FMNL2: variants seen among roughly 807,000 people sequenced by gnomAD.
The protein encoded by FMNL2 is formin-like protein 2.
Under a neutral mutation model 130.2 loss-of-function variants are expected in FMNL2, and 51 were observed. The ratio of observed to expected loss-of-function variants is 0.39; its 90% confidence interval spans 0.31 to 0.49. The LOEUF (loss-of-function observed/expected upper bound fraction) is 0.49. Among genes scored for constraint, FMNL2 ranks in the 20% least tolerant of loss-of-function variants. The pLI, the probability that FMNL2 is intolerant of heterozygous loss-of-function variation, is 0.85. For missense variants in FMNL2, 977 were observed against 1,316.2 expected (o/e 0.74, Z 3.99); for synonymous variants, 465 against 467.1 (o/e 1.00, Z 0.06).
At chr2:152,345,375 G>C (rs1032378753) in intron 1 of FMNL2, among the ~76,000 whole-genome samples, 13 of 152,024 alleles carry the variant, frequency 8.6e-5, no homozygotes, top group African/African-American at 2.2e-4. Context: ...TTTTTTATTG[G>C]CATAGAAGGA....
chr2:152,338,643 A>G (rs1681612857), intron 1 of FMNL2, among the ~76,000 whole-genome samples: 1 of 152,220 alleles, frequency 6.6e-6, no homozygotes, highest in Admixed American at 6.5e-5. Context: ...GTTAGTGACT[A>G]GCAAAAATTG....
At chr2:152,619,401 T>C (rs1699117196) in intron 14 of FMNL2, 108 bp from the exon 15 acceptor site, 1 of 1,497,530 alleles carries the variant, frequency 6.7e-7, no homozygotes, top group East Asian at 2.5e-5. Context: ...AACAGTCCTT[T>C]GTCCTTTTAA....
chr2:152,573,038 T>C (rs1373305302), intron 6 of FMNL2, among the ~76,000 whole-genome samples: 1 of 152,204 alleles, frequency 6.6e-6, no homozygotes, highest in Non-Finnish European at 1.5e-5. Flanking sequence ...AGGGTGCATT[T>C]ATTTAGTGAG....
intron 1 of FMNL2, among the ~76,000 whole-genome samples, chr2:152,429,320 C>T (rs1687370077): frequency 6.6e-6 from 1 of 152,080 alleles, no homozygotes; most frequent in Non-Finnish European, 1.5e-5. Context: ...GGCCGGTGCC[C>T]CTGCCTTACA....
At chr2:152,595,994 A>G (rs11899286) in intron 9 of FMNL2, among the ~76,000 whole-genome samples, 2,893 of 138,264 alleles carry the variant, frequency 0.021, 107 homozygotes, top group African/African-American at 0.071. Flanking sequence ...ACCAAGTCTC[A>G]CTCTGCTGCC....
chr2:152,349,029 G>T (rs916057783), intron 1 of FMNL2, among the ~76,000 whole-genome samples: 1 of 130,532 alleles, frequency 7.7e-6, no homozygotes, highest in Non-Finnish European at 1.7e-5. Flanking sequence ...TAGAGACGGG[G>T]TTTCACCTTG....
intron 19 of FMNL2, 47 bp from the exon 20 acceptor site, chr2:152,629,778 C>T (rs1202486793): frequency 1.2e-6 from 2 of 1,604,974 alleles, no homozygotes; most frequent in East Asian, 2.2e-5. Flanking sequence ...GCGTTCAGTG[C>T]CTGATGTGCT....
chr2:152,377,426 T>A (rs1161648518), intron 1 of FMNL2, among the ~76,000 whole-genome samples: 1 of 152,232 alleles, frequency 6.6e-6, no homozygotes, highest in African/African-American at 2.4e-5. Flanking sequence ...TTGTTGAAAG[T>A]TAATGCATTT....
chr2:152,371,798 G>C (rs1683900950), intron 1 of FMNL2, among the ~76,000 whole-genome samples: 1 of 151,954 alleles, frequency 6.6e-6, no homozygotes, highest in African/African-American at 2.4e-5. Flanking sequence ...TCATGGGAGT[G>C]AGACTGGTGG....
intron 1 of FMNL2, among the ~76,000 whole-genome samples, chr2:152,401,088 G>A (rs1420990212): frequency 6.6e-6 from 1 of 152,220 alleles, no homozygotes; most frequent in African/African-American, 2.4e-5. Flanking sequence ...AGTGTGAACT[G>A]CTAAGACTAT....
chr2:152,467,564 TC>T (rs1368473825), intron 1 of FMNL2, among the ~76,000 whole-genome samples: 1 of 152,184 alleles, frequency 6.6e-6, no homozygotes, highest in Non-Finnish European at 1.5e-5. Context: ...TTACGCTGCA[TC>T]TTTTGATGCC....
chr2:152,591,767 C>T (rs904538158), intron 9 of FMNL2, among the ~76,000 whole-genome samples: 2 of 152,186 alleles, frequency 1.3e-5, no homozygotes, highest in African/African-American at 4.8e-5. Flanking sequence ...GATCACACCG[C>T]TGCACTCCAG....
chr2:152,383,650 A>G (rs886863337), intron 1 of FMNL2, among the ~76,000 whole-genome samples: 2 of 152,212 alleles, frequency 1.3e-5, no homozygotes, highest in African/African-American at 4.8e-5. Flanking sequence ...TACTGTTATT[A>G]TATATCCAGA....
chr2:152,372,121 G>A (rs1479190884), intron 1 of FMNL2, among the ~76,000 whole-genome samples: 1 of 152,178 alleles, frequency 6.6e-6, no homozygotes, highest in East Asian at 1.9e-4. Context: ...ATTTGGTGGG[G>A]AGAAATCATA....
chr2:152,602,863 C>T (rs532262613), intron 9 of FMNL2, among the ~76,000 whole-genome samples: 32 of 152,224 alleles, frequency 2.1e-4, no homozygotes, highest in African/African-American at 7.0e-4. Flanking sequence ...TCATCCTCAC[C>T]GATTTTCTAA....
At position 152,335,712 on chromosome 2, in the gene FMNL2, A is replaced by G; in HGVS notation, c.109A>G (p.Ile37Val). 6.3e-7 allele frequency: 1 copy of G among 1,580,110 alleles called. No individual in the cohort carries two copies. The highest frequency in any genetic ancestry group is 8.6e-7 in the Non-Finnish European group (1 of 1,163,726). ...EPGELEERFA[I>V]VLNAMNLPPD... Reference sequence around the variant, plus strand: ...AGGTGAACTGGAGGAGCGATTTGCCATCGTGCTGGTAAGTGCGCGGCGGCG... The same window carrying G: ...AGGTGAACTGGAGGAGCGATTTGCCGTCGTGCTGGTAAGTGCGCGGCGGCG... The change falls in exon 1 of 26, where the codon ATC becomes GTC. Residue 37 changes from isoleucine (I) to valine (V), a missense_variant. Physicochemically the swap from Ile to Val is conservative, Grantham distance 29. Transcript: ENST00000288670.
intron 9 of FMNL2, among the ~76,000 whole-genome samples, chr2:152,604,185 A>G (rs1698238553): frequency 6.6e-6 from 1 of 150,830 alleles, no homozygotes; most frequent in Non-Finnish European, 1.5e-5. Flanking sequence ...ACCTTCTTTA[A>G]TGGAATATGT....
chr2:152,637,903 C>T (rs1682759479), intron 23 of FMNL2, among the ~76,000 whole-genome samples: 1 of 152,222 alleles, frequency 6.6e-6, no homozygotes, highest in Admixed American at 6.5e-5. Context: ...CTTGGCAGCC[C>T]CCTTGGGGCA....
intron 9 of FMNL2, among the ~76,000 whole-genome samples, chr2:152,594,505 T>A (rs1697648117): frequency 6.6e-6 from 1 of 152,198 alleles, no homozygotes; most frequent in Admixed American, 6.5e-5. Flanking sequence ...ATCCCTTGGC[T>A]CAAGTTTCAT....
Sources: allele counts gnomAD v4.1 joint callset (sites outside exome capture counted in the v4.1 genomes callset), GRCh38; gene constraint gnomAD v4.1.1; transcripts MANE v1.5; gene names NCBI Gene and HGNC (gene_info 2026-07-23, HGNC 2026-07-21).